Variants in BDNF observed in about 807,000 individuals in gnomAD.
The protein encoded by BDNF is brain derived neurotrophic factor, also known as neurotrophic factor BDNF precursor form.
Under a neutral mutation model 19.5 loss-of-function variants are expected in BDNF, and 1 was observed. The ratio of observed to expected loss-of-function variants is 0.05; its 90% CI spans 0.02 to 0.24. BDNF has a LOEUF of 0.24. Ranked by LOEUF, BDNF falls within the 10% of genes least tolerant of loss-of-function variation. The probability of loss-of-function intolerance (pLI) is 1.00; values close to 1 mark genes in which losing one functional copy is unlikely to be tolerated. For synonymous variants in BDNF, 100 were observed against 121.6 expected (o/e 0.82, Z 1.17); for missense variants, 195 against 317.6 (o/e 0.61, Z 2.93).
In BDNF at chr11:27,655,655, T is replaced by C. The variant is rs1036707096; in HGVS notation, c.*2166A>G. ...AGCTCTAAATGAAAGACTGAACAAA[T>C]TGAAATTCTTTGCTGATGGTATCTT... On this transcript the variant is annotated 3_prime_UTR_variant, in exon 2 of 2. Coordinates refer to ENST00000356660, the MANE Select transcript of BDNF (RefSeq NM_001709.5). The C allele has an allele frequency of 6.6e-6, 1 of 152,212 alleles. No individual in the cohort carries two copies. Among genetic ancestry groups the C allele is most frequent in the Non-Finnish European group, 1.5e-5 (1 of 68,044 alleles). 9.4% of individuals were successfully genotyped at this position (152,212 alleles called of 1,614,324 possible).
chr11:27,692,346 T>C (rs1244250435), intron 1 of BDNF, among the ~76,000 whole-genome samples: 1 of 152,110 alleles, frequency 6.6e-6, no homozygotes, highest in Non-Finnish European at 1.5e-5. Flanking sequence ...CTTCCTTCCT[T>C]CCCTTCCTTC....
At chr11:27,705,669 T>TGG (rs1860079427) in intron 1 of BDNF, among the ~76,000 whole-genome samples, 2 of 152,294 alleles carry the variant, frequency 1.3e-5, no homozygotes, top group South Asian at 4.1e-4. Flanking sequence ...AGCACAGGCA[T>TGG]GGTGAGAATG....
At chr11:27,708,504 TTTA>T (rs1185805841) in intron 1 of BDNF, among the ~76,000 whole-genome samples, 1 of 152,200 alleles carries the variant, frequency 6.6e-6, no homozygotes, top group Non-Finnish European at 1.5e-5. Context: ...CTAATTTTTT[TTTA>T]TTATTGTACT....
rs547606014 is a variant in BDNF, at chr11:27,721,309, C to T, written c.3+103G>A. On this transcript the variant is annotated intron_variant, in intron 1 of 1. Transcript: ENST00000314915. ...CCGATTCCCCTGGCCTGAGTAGCTG[C>T]TGTTCTTTGGCGTGTGAAGTGCTAG... 7.5e-6 allele frequency: 10 copies of T among 1,332,098 alleles called. No homozygotes were observed. The East Asian group carries it at 1.8e-4, about 24-fold the overall frequency. The allele number at this position is 1,332,098 out of a possible 1,614,324, so 82.5% of individuals were successfully genotyped here.
intron 1 of BDNF, chr11:27,665,403 C>A (rs1177791761): frequency 6.6e-6 from 1 of 152,472 alleles, no homozygotes; most frequent in Non-Finnish European, 1.5e-5. Context: ...GTACCGGGTT[C>A]ATCTCACTGG....
At chr11:27,679,031 G>C (rs1856537055) in intron 1 of BDNF, among the ~76,000 whole-genome samples, 1 of 152,120 alleles carries the variant, frequency 6.6e-6, no homozygotes, top group African/African-American at 2.4e-5. Flanking sequence ...CAGACACTGG[G>C]TTAGGAAACT....
intron 1 of BDNF, among the ~76,000 whole-genome samples, chr11:27,718,632 A>C (rs1225612244): frequency 6.7e-6 from 1 of 148,492 alleles, no homozygotes; most frequent in African/African-American, 2.5e-5. Flanking sequence ...TCTCGGAACA[A>C]TCTGTGCCCC....
intron 1 of BDNF, among the ~76,000 whole-genome samples, chr11:27,668,336 C>A (rs545216307): frequency 2.6e-5 from 4 of 152,164 alleles, no homozygotes; most frequent in South Asian, 4.1e-4. Flanking sequence ...AAAATTGACA[C>A]CCTAACATCA....
In BDNF at chr11:27,658,466, G is replaced by A. The variant is rs1212691303; in HGVS notation, c.99C>T (p.Ala33=). ...TCCCATGGGTCCGCACACCTGGGTAGGCCAAGCCACCTTGTCCTCGGATGT... is the reference window on the plus strand; with the variant it reads ...TCCCATGGGTCCGCACACCTGGGTAAGCCAAGCCACCTTGTCCTCGGATGT... The part of the protein sequence containing the change: ...EANIRGQGGL[A]YPGVRTHGTL... The change falls in exon 2 of 2, where the codon GCC becomes GCT. Residue 33 remains alanine, a synonymous_variant. Transcript: ENST00000356660. This position sits in a 1 kb window ranked among gnomAD's most constrained non-coding sequence, Gnocchi z 5.7. 6.2e-7 allele frequency: 1 copy of A among 1,614,166 alleles called. No homozygotes were observed. Among genetic ancestry groups the A allele is most frequent in the African/African-American group, 1.3e-5 (1 of 75,050 alleles).
chr11:27,659,408 A>G (rs1043599316), intron 1 of BDNF: 23 of 1,000,256 alleles, frequency 2.3e-5, no homozygotes, highest in African/African-American at 1.9e-4. Context: ...TGATGTGTCT[A>G]TGCCTGGGGC....
chr11:27,672,641 A>G (rs1010979950), intron 1 of BDNF, among the ~76,000 whole-genome samples: 1 of 152,178 alleles, frequency 6.6e-6, no homozygotes, highest in Admixed American at 6.5e-5. Context: ...AGTAAATATA[A>G]GTATCAAACA....
intron 1 of BDNF, chr11:27,659,327 C>G (rs1357202504): frequency 1.0e-6 from 1 of 1,000,068 alleles, no homozygotes. Flanking sequence ...TATTCTACAC[C>G]TGGGTGGTCA....
At chr11:27,716,382 G>A (rs939885016) in intron 1 of BDNF, among the ~76,000 whole-genome samples, 8 of 151,498 alleles carry the variant, frequency 5.3e-5, no homozygotes, top group African/African-American at 1.9e-4. Flanking sequence ...GTAAATTTAA[G>A]AGACTCACTG....
At chr11:27,707,709 T>C (rs1271287382) in intron 1 of BDNF, among the ~76,000 whole-genome samples, 1 of 152,162 alleles carries the variant, frequency 6.6e-6, no homozygotes, top group Admixed American at 6.5e-5. Context: ...GGGGAATGAA[T>C]TGGTGAGAGT....
intron 1 of BDNF, among the ~76,000 whole-genome samples, chr11:27,685,487 T>C (rs1182763453): frequency 6.6e-6 from 1 of 152,204 alleles, no homozygotes; most frequent in Admixed American, 6.5e-5. Context: ...TTAATTGTGA[T>C]GTTAGAGTGT....
intron 1 of BDNF, among the ~76,000 whole-genome samples, chr11:27,663,750 G>T (rs1426391894): frequency 6.6e-6 from 1 of 152,148 alleles, no homozygotes; most frequent in Non-Finnish European, 1.5e-5. Flanking sequence ...GAAGAGAGTG[G>T]CTGTGACAAC....
At chr11:27,687,464 G>A (rs909705918) in intron 1 of BDNF, among the ~76,000 whole-genome samples, 1 of 152,206 alleles carries the variant, frequency 6.6e-6, no homozygotes, top group African/African-American at 2.4e-5. Flanking sequence ...GCAAAGAGTT[G>A]TGCTCCCTTG....
intron 1 of BDNF, among the ~76,000 whole-genome samples, chr11:27,707,355 G>A (rs189286450): frequency 6.6e-6 from 1 of 152,274 alleles, no homozygotes; most frequent in East Asian, 1.9e-4. Flanking sequence ...CATTACTCAG[G>A]AGATATTCTA....
At chr11:27,719,112 C>A (rs1334697641) in intron 1 of BDNF, among the ~76,000 whole-genome samples, 1 of 152,230 alleles carries the variant, frequency 6.6e-6, no homozygotes, top group Non-Finnish European at 1.5e-5. Context: ...GCCGCGCGTT[C>A]CGGCAGTTCG....
Sources: gnomAD v4.1 joint callset for allele counts (sites outside exome capture counted in the v4.1 genomes callset) on GRCh38, gnomAD v4.1.1 for gene constraint, Gnocchi (gnomAD v3.1) non-coding constraint, MANE v1.5 for transcripts, NCBI Gene and HGNC (gene_info 2026-07-23, HGNC 2026-07-21) for gene names.